DNAJC12: variants seen among roughly 807,000 people sequenced by gnomAD.
The protein encoded by DNAJC12 is DnaJ heat shock protein family (Hsp40) member C12.
DNAJC12 carries 25 observed loss-of-function variants against 28.5 expected under a neutral mutation model. That is an observed-to-expected ratio of 0.88 (90% CI 0.64 to 1.22). The LOEUF (loss-of-function observed/expected upper bound fraction) is 1.22, where lower values mean the gene tolerates loss of function less well. Ranked by LOEUF, DNAJC12 falls within the 50% of genes most tolerant of loss-of-function variation. DNAJC12 has a pLI of 0.00. For synonymous variants in DNAJC12, 77 were observed against 80.6 expected (o/e 0.95, Z 0.24); for missense variants, 222 against 231.7 (o/e 0.96, Z 0.27).
chr10:67,824,466 A>C (rs1289747387), intron 1 of DNAJC12, among the ~76,000 whole-genome samples: 3 of 151,952 alleles, frequency 2.0e-5, no homozygotes, highest in Admixed American at 2.0e-4. Context: ...GAAAAAGAAC[A>C]TAATTCAAAC....
At chr10:67,819,334 C>CA (rs758432962) in intron 2 of DNAJC12, among the ~76,000 whole-genome samples, 9 of 150,832 alleles carry the variant, frequency 6.0e-5, no homozygotes, top group Non-Finnish European at 1.2e-4. Flanking sequence ...GAAGCCGTCT[C>CA]AAAAAAGAAA....
intron 1 of DNAJC12, among the ~76,000 whole-genome samples, chr10:67,836,367 GAA>G (rs74547006): frequency 5.2e-5 from 5 of 96,402 alleles, no homozygotes; most frequent in African/African-American, 3.9e-5. Flanking sequence ...AAGTAAAATT[GAA>G]AAAAAAAAAA....
In DNAJC12 at chr10:67,805,635, T is replaced by C; in HGVS notation, c.450A>G (p.Lys150=). The C allele has an allele frequency of 6.2e-7, 1 of 1,613,702 alleles. No individual in the cohort carries two copies. The highest frequency in any genetic ancestry group is 8.5e-7 in the Non-Finnish European group (1 of 1,179,850). The change falls in exon 4 of 5, where the codon AAA becomes AAG. Residue 150 remains lysine, a synonymous_variant. Coordinates refer to ENST00000225171, the MANE Select transcript of DNAJC12 (RefSeq NM_021800.3). ...CTGACTTCTCTAGGGGCTTGGGTTC[T>C]TTCTGCTCCGTTTTCTCTGCGGTTG... ...LASTAEKTEQ[K]EPKPLEKSVS...
Position 67,838,056 on chromosome 10 carries a change from C to T in DNAJC12, c.-45G>A. On this transcript the variant is annotated 5_prime_UTR_variant, in exon 1 of 5. It adds an upstream start codon to the 5' untranslated region. Coordinates refer to ENST00000225171, the MANE Select transcript of DNAJC12 (RefSeq NM_021800.3). ...CTTCTTCCCTCGGAAACAAGAGGCA[C>T]AGTGAGCTTCGAATTAACAGGAAGA... 2 of 1,310,860 alleles carry T rather than the reference C, an allele frequency of 1.5e-6. No individual in the cohort carries two copies. Among genetic ancestry groups the T allele is most frequent in the South Asian group, 2.5e-5 (2 of 80,170 alleles). The allele number at this position is 1,310,860 out of a possible 1,614,324, so 81.2% of individuals were successfully genotyped here.
At chr10:67,816,985 A>C (rs1344522856) in intron 2 of DNAJC12, among the ~76,000 whole-genome samples, 1 of 151,954 alleles carries the variant, frequency 6.6e-6, no homozygotes. Context: ...TAGCAAAGTC[A>C]GTCCTGTCTG....
chr10:67,828,311 A>G (rs949469520), intron 1 of DNAJC12, among the ~76,000 whole-genome samples: 16 of 152,182 alleles, frequency 1.1e-4, no homozygotes, highest in African/African-American at 3.1e-4. Context: ...ATCTCTCTAT[A>G]TATAGATATA....
At chr10:67,812,937 G>A (rs574550809) in intron 2 of DNAJC12, among the ~76,000 whole-genome samples, 4 of 151,704 alleles carry the variant, frequency 2.6e-5, no homozygotes, top group South Asian at 2.1e-4. Flanking sequence ...CAGGAGAATC[G>A]TTGGAACCCG....
chr10:67,836,240 C>G (rs1842141620), intron 1 of DNAJC12, among the ~76,000 whole-genome samples: 1 of 151,864 alleles, frequency 6.6e-6, no homozygotes, highest in African/African-American at 2.4e-5. Context: ...GGACAAATAC[C>G]TAATGTATGC....
At chr10:67,808,862 A>T (rs1841830490) in intron 3 of DNAJC12, among the ~76,000 whole-genome samples, 1 of 152,208 alleles carries the variant, frequency 6.6e-6, no homozygotes, top group African/African-American at 2.4e-5. Context: ...AACCAGCAGA[A>T]GGTGTTGAAT....
At chr10:67,803,132 G>A (rs765010956) in intron 4 of DNAJC12, among the ~76,000 whole-genome samples, 3 of 151,602 alleles carry the variant, frequency 2.0e-5, no homozygotes, top group Admixed American at 6.6e-5. Flanking sequence ...GAGCCACTGC[G>A]CCTGGACAAT....
intron 1 of DNAJC12, among the ~76,000 whole-genome samples, chr10:67,829,672 T>C (rs1842074175): frequency 6.6e-6 from 1 of 151,884 alleles, no homozygotes; most frequent in South Asian, 2.1e-4. Context: ...TAAAAATAAA[T>C]AAACAAATCT....
At chr10:67,830,610 AAAATAAATAAAT>A (rs71006172) in intron 1 of DNAJC12, among the ~76,000 whole-genome samples, 14,833 of 144,786 alleles carry the variant, frequency 0.1, 870 homozygotes, top group Middle Eastern at 0.18. Flanking sequence ...TCCGTCTCAA[AAAATAAATAAAT>A]AAATAAATAA....
intron 2 of DNAJC12, among the ~76,000 whole-genome samples, chr10:67,813,677 G>C (rs1841885483): frequency 6.6e-6 from 1 of 151,244 alleles, no homozygotes; most frequent in South Asian, 2.1e-4. Flanking sequence ...AGAATCACTT[G>C]AACCTGGGAG....
intron 1 of DNAJC12, among the ~76,000 whole-genome samples, chr10:67,828,725 C>A (rs1842062458): frequency 6.6e-6 from 1 of 150,966 alleles, no homozygotes. Context: ...AATTTATTTC[C>A]TAGCCTTTGA....
chr10:67,811,507 C>G lies in DNAJC12; in HGVS notation c.297+17G>C. ...CTGAGCTTCACAAATTCACGTCGCA[C>G]CCAGCGAGAAACCCACCGTCTTCAC... On this transcript the variant is annotated intron_variant, in intron 3 of 4. Coordinates refer to ENST00000225171, the MANE Select transcript of DNAJC12 (RefSeq NM_021800.3). The G allele has an allele frequency of 3.1e-6, 5 of 1,613,904 alleles. No individual in the cohort carries two copies. Among genetic ancestry groups the G allele is most frequent in the Non-Finnish European group, 3.4e-6 (4 of 1,179,922 alleles).
chr10:67,819,256 C>A (rs1211117593), intron 2 of DNAJC12, among the ~76,000 whole-genome samples: 3 of 151,790 alleles, frequency 2.0e-5, no homozygotes, highest in African/African-American at 4.8e-5. Flanking sequence ...TGGCGTAAAC[C>A]CGGGAGGCGG....
intron 2 of DNAJC12, among the ~76,000 whole-genome samples, chr10:67,815,377 G>A (rs1401935319): frequency 6.6e-6 from 1 of 151,788 alleles, no homozygotes; most frequent in African/African-American, 2.4e-5. Flanking sequence ...GCGTGGTGGT[G>A]CATGCCTGTA....
chr10:67,810,719 A>T (rs1841850801), intron 3 of DNAJC12: 1 of 152,184 alleles, frequency 6.6e-6, no homozygotes, highest in Non-Finnish European at 1.5e-5. Context: ...CTAAAATAAA[A>T]ACTATGAAGA....
rs975298433 is a variant in DNAJC12 at position 67,810,167 on chromosome 10, A to G, written c.297+1357T>C. 3.3e-5 allele frequency among the ~76,000 whole-genome samples: 5 copies of G among 152,182 alleles called. No homozygotes were observed. The East Asian group carries it at 7.8e-4, about 24-fold the overall frequency. On this transcript the variant is annotated intron_variant, in intron 3 of 4. Transcript: ENST00000225171. Reference sequence around the variant, plus strand: ...CTTCTCATGGTGGCAGGAAAGAGAGAGAAGGTAGAACTGCCACATACTTTT... The same window carrying G: ...CTTCTCATGGTGGCAGGAAAGAGAGGGAAGGTAGAACTGCCACATACTTTT...
Sources: gnomAD v4.1 joint callset for allele counts (sites outside exome capture counted in the v4.1 genomes callset) on GRCh38, gnomAD v4.1.1 for gene constraint, MANE v1.5 for transcripts, NCBI Gene and HGNC (gene_info 2026-07-23, HGNC 2026-07-21) for gene names.